FAF1: variants seen among roughly 807,000 people sequenced by gnomAD.
The protein encoded by FAF1 is Fas associated factor 1, also known as FAS-associated factor 1.
FAF1 carries 25 observed loss-of-function variants against 92.5 expected under a neutral mutation model. That is an observed-to-expected ratio of 0.27 (90% CI 0.20 to 0.38). FAF1 has a LOEUF of 0.38. Among genes scored for constraint, FAF1 ranks in the 10% least tolerant of loss-of-function variants. FAF1 has a pLI of 1.00. For synonymous variants in FAF1, 234 were observed against 273.2 expected (o/e 0.86, Z 1.42); for missense variants, 636 against 793.3 (o/e 0.80, Z 2.38).
chr1:50,514,250 T>C lies in FAF1; in HGVS notation c.1494+21119A>G, dbSNP rs551005313. Among the ~76,000 whole-genome samples, 317 of 152,354 alleles carry C rather than the reference T, an allele frequency of 2.1e-3. 2 individuals carry two copies. The highest frequency in any genetic ancestry group is 6.8e-3 in the Middle Eastern group (2 of 294). ...AGCAAACTGAAGAGACTTTGCCATATTTATCTCTTTATTCTGACCCCCAAG... is the reference window on the plus strand; with the variant it reads ...AGCAAACTGAAGAGACTTTGCCATACTTATCTCTTTATTCTGACCCCCAAG... On this transcript the variant is annotated intron_variant, in intron 15 of 18. Transcript: ENST00000396153.
intron 7 of FAF1, among the ~76,000 whole-genome samples, chr1:50,676,631 G>A (rs1557469602): frequency 6.6e-6 from 1 of 152,020 alleles, no homozygotes; most frequent in Non-Finnish European, 1.5e-5. Flanking sequence ...GACCAGCCCT[G>A]GCCAACGTGG....
At chr1:50,730,271 G>A (rs1327474403) in intron 6 of FAF1, among the ~76,000 whole-genome samples, 1 of 151,256 alleles carries the variant, frequency 6.6e-6, no homozygotes, top group African/African-American at 2.4e-5. Context: ...TGTTTATTTT[G>A]AAATAATTTA....
intron 18 of FAF1, among the ~76,000 whole-genome samples, chr1:50,445,626 AT>A (rs1646219314): frequency 6.6e-6 from 1 of 152,144 alleles, no homozygotes; most frequent in South Asian, 2.1e-4. Context: ...CAAAAACCCA[AT>A]CTGAGCTTGT....
intron 18 of FAF1, among the ~76,000 whole-genome samples, chr1:50,444,665 T>C (rs569185320): frequency 6.6e-6 from 1 of 152,364 alleles, no homozygotes; most frequent in Admixed American, 6.5e-5. Context: ...CTATCACTTA[T>C]CGAGTGCCTA....
intron 2 of FAF1, among the ~76,000 whole-genome samples, chr1:50,818,356 A>G (rs1166466769): frequency 6.6e-6 from 1 of 152,104 alleles, no homozygotes; most frequent in Non-Finnish European, 1.5e-5. Context: ...GCTAAATAAA[A>G]CTCTCATATA....
chr1:50,953,493 TTTG>T (rs1645237671), intron 1 of FAF1, among the ~76,000 whole-genome samples: 1 of 151,940 alleles, frequency 6.6e-6, no homozygotes, highest in Non-Finnish European at 1.5e-5. Flanking sequence ...ATCCCAGCAC[TTTG>T]GGAAGCCACA....
At chr1:50,535,271 T>C (rs922874865) in intron 15 of FAF1, 98 bp downstream of exon 15, 3 of 788,334 alleles carry the variant, frequency 3.8e-6, no homozygotes, top group Middle Eastern at 2.4e-4. Flanking sequence ...TCATCATCCT[T>C]ATTTATCGAT....
intron 6 of FAF1, among the ~76,000 whole-genome samples, chr1:50,719,550 T>C (rs1182450920): frequency 6.6e-6 from 1 of 152,234 alleles, no homozygotes; most frequent in Non-Finnish European, 1.5e-5. Flanking sequence ...TAGTGATATA[T>C]TGGATACATC....
At chr1:50,701,557 T>C (rs1657475137) in intron 7 of FAF1, among the ~76,000 whole-genome samples, 1 of 152,074 alleles carries the variant, frequency 6.6e-6, no homozygotes, top group African/African-American at 2.4e-5. Flanking sequence ...TAAAGGAGAA[T>C]AGTCCAAAAT....
At position 50,667,828 on chromosome 1, in the gene FAF1, T is replaced by A. The variant is rs78553659; in HGVS notation, c.658-12300A>T. Among the ~76,000 whole-genome samples, 1,498 of 152,340 alleles carry A rather than the reference T, an allele frequency of 9.8e-3. 23 individuals are homozygous for A. The highest frequency in any genetic ancestry group is 0.034 in the African/African-American group (1,421 of 41,570). On this transcript the variant is annotated intron_variant, in intron 7 of 18. Transcript: ENST00000396153. ...CTTCTACAGCAAGCTTCAAACTTTT[T>A]AAAATGCTGACAATGTTAATGCTTT...
intron 7 of FAF1, among the ~76,000 whole-genome samples, chr1:50,686,556 G>C (rs1464585660): frequency 1.4e-5 from 2 of 148,146 alleles, no homozygotes; most frequent in Non-Finnish European, 3.0e-5. Flanking sequence ...GAAGAGGAGG[G>C]GAGGGGAGGG....
chr1:50,566,930 G>C, intron 13 of FAF1, 147 bp downstream of exon 13: 1 of 506,966 alleles, frequency 2.0e-6, no homozygotes, highest in Non-Finnish European at 3.3e-6. Flanking sequence ...AACTGCATGT[G>C]TTAGCTGCAA....
At chr1:50,792,283 CA>C (rs1414043291) in intron 3 of FAF1, among the ~76,000 whole-genome samples, 13 of 152,202 alleles carry the variant, frequency 8.5e-5, no homozygotes, top group Admixed American at 8.5e-4. Flanking sequence ...ACCATAGGTA[CA>C]ACTCTGCCAA....
intron 8 of FAF1, among the ~76,000 whole-genome samples, chr1:50,603,405 C>T (rs1259626591): frequency 6.6e-6 from 1 of 152,198 alleles, no homozygotes; most frequent in Non-Finnish European, 1.5e-5. Context: ...TTTTCTATTA[C>T]ATCACATTTC....
At chr1:50,938,409 T>C (rs1255703173) in intron 1 of FAF1, among the ~76,000 whole-genome samples, 2 of 152,234 alleles carry the variant, frequency 1.3e-5, no homozygotes, top group African/African-American at 2.4e-5. Flanking sequence ...AAGATGGCTC[T>C]GTATCCATTA....
At chr1:50,734,588 G>T (rs1414788074) in intron 6 of FAF1, among the ~76,000 whole-genome samples, 1 of 152,016 alleles carries the variant, frequency 6.6e-6, no homozygotes, top group African/African-American at 2.4e-5. Context: ...CAAAAAATTA[G>T]CCGGGCGTAT....
At position 50,725,642 on chromosome 1, in the gene FAF1, G is replaced by A. The variant is rs531319806; in HGVS notation, c.551+13221C>T. Among the ~76,000 whole-genome samples, 26 of 152,162 alleles carry A rather than the reference G, an allele frequency of 1.7e-4. No individual in the cohort carries two copies. The East Asian group carries it at 2.7e-3, about 16-fold the overall frequency. ...AGCTAATTTTTGTATTTTTAGTAAA[G>A]AAGGGGTTTCGCCATGTTGTCCAGG... is the stretch of plus-strand genomic sequence containing the variant. On this transcript the variant is annotated intron_variant, in intron 6 of 18. Transcript: ENST00000396153.
chr1:50,833,242 A>G (rs1644170851), intron 2 of FAF1, among the ~76,000 whole-genome samples: 1 of 152,038 alleles, frequency 6.6e-6, no homozygotes, highest in Non-Finnish European at 1.5e-5. Context: ...CTTGGCTACA[A>G]ATTTGAAGTC....
intron 13 of FAF1, among the ~76,000 whole-genome samples, chr1:50,550,351 TAA>T (rs11297579): frequency 0.14 from 14,841 of 108,290 alleles, 1,572 homozygotes; most frequent in African/African-American, 0.33. Flanking sequence ...ACTCCGTCTT[TAA>T]AAAAAAAAAA....
Sources: allele counts gnomAD v4.1 joint callset (sites outside exome capture counted in the v4.1 genomes callset), GRCh38; gene constraint gnomAD v4.1.1; transcripts MANE v1.5; gene names NCBI Gene and HGNC (gene_info 2026-07-23, HGNC 2026-07-21).